ASIC2: variants seen among roughly 807,000 people sequenced by gnomAD.
ASIC2 encodes acid sensing ion channel subunit 2.
Under a neutral mutation model 57.3 loss-of-function variants are expected in ASIC2, and 25 were observed. The ratio of observed to expected loss-of-function variants is 0.44; its 90% CI spans 0.32 to 0.61. ASIC2 has a LOEUF of 0.61. Among genes scored for constraint, ASIC2 ranks in the 20% least tolerant of loss-of-function variants. The pLI, the probability that ASIC2 is intolerant of heterozygous loss-of-function variation, is 0.06. For synonymous variants in ASIC2, 319 were observed against 307.5 expected, an observed-to-expected ratio of 1.04 and a Z score of -0.39; for missense variants, 641 against 738.1, an observed-to-expected ratio of 0.87 and a Z score of 1.52.
intron 1 of ASIC2, among the ~76,000 whole-genome samples, chr17:34,021,811 T>C (rs1218428061): frequency 6.6e-6 from 1 of 151,540 alleles, no homozygotes; most frequent in Non-Finnish European, 1.5e-5. Context: ...GGGCTTTTTT[T>C]TGTTGTTGGT....
chr17:33,431,879 G>A (rs939217883), intron 1 of ASIC2, among the ~76,000 whole-genome samples: 2 of 152,158 alleles, frequency 1.3e-5, no homozygotes, highest in African/African-American at 2.4e-5. Context: ...ATATGCCCAC[G>A]AAAGAGTATA....
rs180750777 is a variant in ASIC2 at position 33,467,024 on chromosome 17, C to T, written c.556-354957G>A. Among the ~76,000 whole-genome samples, 69 of 152,266 alleles carry T rather than the reference C, an allele frequency of 4.5e-4. No homozygotes were observed. The East Asian group carries it at 0.011, about 23-fold the overall frequency. On this transcript the variant is annotated intron_variant, in intron 1 of 9. Coordinates refer to the ASIC2 transcript ENST00000359872. ...CTGATTAAACTAAAGTGCTTCTGCA[C>T]GGCAAAAGAAACTACCATCAGAGTG...
chr17:33,747,006 G>A (rs1910287478), intron 1 of ASIC2, among the ~76,000 whole-genome samples: 1 of 152,090 alleles, frequency 6.6e-6, no homozygotes, highest in Admixed American at 6.5e-5. Flanking sequence ...AATAAATAAA[G>A]ACACAAGATA....
chr17:33,046,437 C>T (rs1444810645), intron 3 of ASIC2, among the ~76,000 whole-genome samples: 4 of 152,106 alleles, frequency 2.6e-5, no homozygotes, highest in Admixed American at 2.6e-4. Context: ...ATCCACTTTC[C>T]CCCACCTGAG....
At chr17:33,175,741 TC>T (rs924591487) in intron 1 of ASIC2, among the ~76,000 whole-genome samples, 44 of 152,136 alleles carry the variant, frequency 2.9e-4, no homozygotes, top group Admixed American at 3.9e-4. Flanking sequence ...TCCTTGCTTC[TC>T]CCCCCTCCAC....
chr17:33,654,242 A>T (rs982266126), intron 1 of ASIC2, among the ~76,000 whole-genome samples: 1 of 152,250 alleles, frequency 6.6e-6, no homozygotes, highest in Admixed American at 6.5e-5. Flanking sequence ...ATATCAAAAG[A>T]GCTCACTAGA....
intron 1 of ASIC2, among the ~76,000 whole-genome samples, chr17:33,861,127 T>C (rs1202881533): frequency 6.6e-6 from 1 of 152,188 alleles, no homozygotes; most frequent in East Asian, 1.9e-4. Flanking sequence ...ACCCCGTGTG[T>C]AACAGGTGGG....
chr17:34,036,525 T>A (rs1026202571), intron 1 of ASIC2, among the ~76,000 whole-genome samples: 2 of 150,090 alleles, frequency 1.3e-5, no homozygotes, highest in Non-Finnish European at 3.0e-5. Context: ...AGTATAATAA[T>A]AATAAAATAA....
chr17:33,869,993 T>C (rs1224445814), intron 1 of ASIC2, among the ~76,000 whole-genome samples: 1 of 152,128 alleles, frequency 6.6e-6, no homozygotes, highest in Non-Finnish European at 1.5e-5. Context: ...CAGCCCCTGA[T>C]TTACAGGATG....
At chr17:34,153,815 T>C (rs1342231949) in intron 1 of ASIC2, among the ~76,000 whole-genome samples, 2 of 152,166 alleles carry the variant, frequency 1.3e-5, no homozygotes, top group Admixed American at 6.5e-5. Flanking sequence ...CAGCAGATAA[T>C]GACATGCCAC....
chr17:33,454,395 C>T (rs929168228), intron 1 of ASIC2, among the ~76,000 whole-genome samples: 2 of 152,234 alleles, frequency 1.3e-5, no homozygotes, highest in African/African-American at 4.8e-5. Flanking sequence ...ACCCTTTACT[C>T]CCAGACAGAC....
chr17:34,015,581 T>G (rs1204566601), intron 1 of ASIC2, among the ~76,000 whole-genome samples: 1 of 152,208 alleles, frequency 6.6e-6, no homozygotes, highest in East Asian at 1.9e-4. Context: ...ACAGGGATGT[T>G]GTGGAATTTT....
intron 1 of ASIC2, chr17:34,142,889 C>G (rs747677436): frequency 8.5e-5 from 13 of 152,110 alleles, no homozygotes; most frequent in Non-Finnish European, 1.9e-4. Context: ...CATGTGAGAC[C>G]CCTGAGCCCA....
At chr17:34,051,065 C>T (rs888509496) in intron 1 of ASIC2, among the ~76,000 whole-genome samples, 2 of 152,194 alleles carry the variant, frequency 1.3e-5, no homozygotes, top group Non-Finnish European at 2.9e-5. Flanking sequence ...CTTTATTGTG[C>T]AATTGCTTTC....
At chr17:34,117,080 A>T (rs1455693541) in intron 1 of ASIC2, among the ~76,000 whole-genome samples, 1 of 152,188 alleles carries the variant, frequency 6.6e-6, no homozygotes, top group Non-Finnish European at 1.5e-5. Flanking sequence ...GCACACACAC[A>T]GGTTACTGTC....
At chr17:33,535,096 G>A (rs2141963982) in intron 1 of ASIC2, among the ~76,000 whole-genome samples, 1 of 152,182 alleles carries the variant, frequency 6.6e-6, no homozygotes, top group Admixed American at 6.5e-5. Context: ...GCTGGGGTGG[G>A]GCCAGAGGCA....
At chr17:33,862,191 G>A (rs1031032746) in intron 1 of ASIC2, among the ~76,000 whole-genome samples, 3 of 152,244 alleles carry the variant, frequency 2.0e-5, no homozygotes, top group East Asian at 1.9e-4. Context: ...AGTCAGACTC[G>A]CCATCCTCTG....
chr17:33,992,275 T>C (rs1906023069), intron 1 of ASIC2, among the ~76,000 whole-genome samples: 1 of 152,178 alleles, frequency 6.6e-6, no homozygotes, highest in Non-Finnish European at 1.5e-5. Context: ...CAGTGCATAA[T>C]ACCAGCTAGC....
intron 1 of ASIC2, among the ~76,000 whole-genome samples, chr17:33,817,943 A>G (rs1477390334): frequency 2.6e-5 from 4 of 152,138 alleles, no homozygotes; most frequent in Non-Finnish European, 5.9e-5. Context: ...AACATGGTCT[A>G]TACAGCACAT....
Sources: gnomAD v4.1 joint callset for allele counts (sites outside exome capture counted in the v4.1 genomes callset) on GRCh38, gnomAD v4.1.1 for gene constraint, MANE v1.5 for transcripts, NCBI Gene and HGNC (gene_info 2026-07-23, HGNC 2026-07-21) for gene names.